The following RNF138 variants were observed in gnomAD, a reference collection of about 807,000 sequenced individuals.
The protein encoded by RNF138 is E3 ubiquitin-protein ligase RNF138.
In RNF138, 12 loss-of-function variants were observed where a neutral mutation model predicts 31.0. The observed-to-expected ratio is 0.39, with a 90% CI of 0.25 to 0.63. The LOEUF (loss-of-function observed/expected upper bound fraction) is 0.63, where lower values mean the gene tolerates loss of function less well. RNF138 is among the 20% of genes least tolerant of loss of function. The pLI is 0.52. For missense variants in RNF138, 192 were observed against 300.1 expected (o/e 0.64, Z 2.66); for synonymous variants, 105 against 99.5 (o/e 1.06, Z -0.33).
Position 32,124,773 on chromosome 18 carries a change from A to G in RNF138, c.489A>G (p.Gln163=), listed in dbSNP as rs1439114039. ...CTACTTTTAAGTGTCCCCTGTGTCA[A>G]GAATCAAATTTTACCAGACAGCGTT... The part of the protein sequence containing the change: ...GHPTFKCPLC[Q]ESNFTRQRLL... Residue 163 remains glutamine (Q), a synonymous_variant, in exon 6 of 8, where the codon CAA becomes CAG. Transcript: ENST00000261593. 1 of 1,604,258 alleles carries G rather than the reference A, an allele frequency of 6.2e-7. No homozygotes were observed. Among genetic ancestry groups the G allele is most frequent in the Non-Finnish European group, 8.5e-7 (1 of 1,171,258 alleles).
At chr18:32,094,795 T>G (rs753102213) in intron 2 of RNF138, among the ~76,000 whole-genome samples, 5 of 152,116 alleles carry the variant, frequency 3.3e-5, no homozygotes, top group African/African-American at 1.2e-4. Flanking sequence ...TATATATATA[T>G]AAAGCAGGTC....
At position 32,111,808 on chromosome 18, in the gene RNF138, C is replaced by T. The variant is rs1424801204; in HGVS notation, c.165C>T (p.Pro55=). The stretch of plus-strand genomic sequence containing the variant: ...TGAGGGAAAGCGGAGCACATTGTCC[C>T]CTATGTCGTGGAAATGTGACTAGAA... The part of the protein sequence containing the change: ...TAMRESGAHC[P]LCRGNVTRRE... Residue 55 remains proline (P), a synonymous_variant, in exon 3 of 8, where the codon CCC becomes CCT. Coordinates refer to ENST00000261593, the MANE Select transcript of RNF138 (RefSeq NM_016271.5). The T allele has an allele frequency of 1.2e-6, 2 of 1,613,684 alleles. No individual in the cohort carries two copies. The highest frequency in any genetic ancestry group is 1.7e-6 in the Non-Finnish European group (2 of 1,179,832).
At chr18:32,119,314 C>T (rs147956739) in intron 4 of RNF138, among the ~76,000 whole-genome samples, 9 of 152,242 alleles carry the variant, frequency 5.9e-5, no homozygotes, top group South Asian at 2.1e-4. Context: ...TTCCCAGGCC[C>T]GTCTCAAACT....
At chr18:32,101,018 C>A (rs1233095464) in intron 2 of RNF138, among the ~76,000 whole-genome samples, 1 of 152,102 alleles carries the variant, frequency 6.6e-6, no homozygotes, top group Non-Finnish European at 1.5e-5. Context: ...ATCGATGACC[C>A]TTTCTTTAGG....
At chr18:32,114,095 T>A (rs1397795030) in intron 4 of RNF138, among the ~76,000 whole-genome samples, 2 of 152,222 alleles carry the variant, frequency 1.3e-5, no homozygotes, top group East Asian at 3.8e-4. Flanking sequence ...TTAAAATCAT[T>A]CTAAGAATTT....
intron 2 of RNF138, among the ~76,000 whole-genome samples, chr18:32,107,580 G>T (rs1472835401): frequency 6.6e-6 from 1 of 151,884 alleles, no homozygotes; most frequent in African/African-American, 2.4e-5. Context: ...GAGTGCAATG[G>T]CACGATCTTG....
intron 2 of RNF138, among the ~76,000 whole-genome samples, chr18:32,097,942 A>G (rs1033119845): frequency 3.4e-5 from 2 of 59,384 alleles, no homozygotes; most frequent in Non-Finnish European, 7.2e-5. Flanking sequence ...GTGTATGTAT[A>G]TATGTGTGTG....
intron 7 of RNF138, among the ~76,000 whole-genome samples, chr18:32,127,516 G>A (rs2040402213): frequency 6.6e-6 from 1 of 152,132 alleles, no homozygotes; most frequent in African/African-American, 2.4e-5. Context: ...ATACATTTTT[G>A]TCTGCCTTCC....
intron 4 of RNF138, among the ~76,000 whole-genome samples, chr18:32,117,042 C>T (rs564890582): frequency 7.9e-5 from 12 of 152,098 alleles, no homozygotes; most frequent in Non-Finnish European, 1.2e-4. Context: ...GCTGGGATTA[C>T]AGGTGCCCAC....
chr18:32,103,911 G>A (rs1044766267), intron 2 of RNF138, among the ~76,000 whole-genome samples: 2 of 151,740 alleles, frequency 1.3e-5, no homozygotes, highest in African/African-American at 4.8e-5. Context: ...CTTGCAGTGA[G>A]CTGAGATTGC....
chr18:32,103,332 G>A (rs1038275959), intron 2 of RNF138, among the ~76,000 whole-genome samples: 10 of 151,908 alleles, frequency 6.6e-5, no homozygotes, highest in Non-Finnish European at 1.5e-4. Context: ...GAGACTACAG[G>A]TGCACACCAC....
At chr18:32,102,383 A>G (rs1316495590) in intron 2 of RNF138, among the ~76,000 whole-genome samples, 2 of 150,252 alleles carry the variant, frequency 1.3e-5, no homozygotes, top group Non-Finnish European at 3.0e-5. Flanking sequence ...TTGTATTTTT[A>G]GTAGAGATGG....
At chr18:32,093,137 TCTCCCGC>T (rs1568220594) in intron 2 of RNF138, among the ~76,000 whole-genome samples, 6 of 150,440 alleles carry the variant, frequency 4.0e-5, no homozygotes, top group African/African-American at 1.5e-4. Context: ...GCTCTCCCGC[TCTCCCGC>T]TCTCCCTGGC....
intron 4 of RNF138, among the ~76,000 whole-genome samples, chr18:32,121,145 A>C (rs1001922004): frequency 1.7e-4 from 25 of 151,296 alleles, no homozygotes; most frequent in Admixed American, 8.6e-4. Flanking sequence ...AAAAAAAACA[A>C]AACAAAAAAA....
chr18:32,111,268 G>A (rs2040124578), intron 2 of RNF138, among the ~76,000 whole-genome samples: 2 of 152,186 alleles, frequency 1.3e-5, no homozygotes, highest in Non-Finnish European at 2.9e-5. Context: ...GTGCTCTTTT[G>A]TAGTAGACCT....
Position 32,108,101 on chromosome 18 carries a change from C to T in RNF138, c.111-3653C>T, listed in dbSNP as rs1365354018. 4.6e-5 allele frequency among the ~76,000 whole-genome samples: 7 copies of T among 151,898 alleles called. No individual in the cohort carries two copies. The East Asian group carries it at 5.9e-4, about 13-fold the overall frequency. On this transcript the variant is annotated intron_variant, in intron 2 of 7. Coordinates refer to ENST00000261593, the MANE Select transcript of RNF138 (RefSeq NM_016271.5). ...ACCTCCTGACTTCAGGTGATCCACC[C>T]GCCTCGGCTCCTCAAGGTGCTGGGA...
intron 2 of RNF138, among the ~76,000 whole-genome samples, chr18:32,093,161 GC>G (rs1472477197): frequency 3.4e-5 from 5 of 148,930 alleles, no homozygotes; most frequent in Non-Finnish European, 7.4e-5. Flanking sequence ...TGGCTTTCGC[GC>G]CCCCGGGGCA....
chr18:32,115,066 T>C (rs919016230), intron 4 of RNF138, among the ~76,000 whole-genome samples: 2 of 152,204 alleles, frequency 1.3e-5, no homozygotes, highest in Non-Finnish European at 2.9e-5. Context: ...CTTATTGTTG[T>C]ACTTCTACTT....
chr18:32,101,660 T>G (rs1311540367), intron 2 of RNF138, among the ~76,000 whole-genome samples: 2 of 152,214 alleles, frequency 1.3e-5, no homozygotes, highest in Non-Finnish European at 2.9e-5. Flanking sequence ...AAGTGTTAAC[T>G]GCTATTTTCA....
Sources: allele counts gnomAD v4.1 joint callset (sites outside exome capture counted in the v4.1 genomes callset), GRCh38; gene constraint gnomAD v4.1.1; transcripts MANE v1.5; gene names NCBI Gene and HGNC (gene_info 2026-07-23, HGNC 2026-07-21).